CAMK4: variants seen among roughly 807,000 people sequenced by gnomAD.
The protein encoded by CAMK4 is calcium/calmodulin dependent protein kinase IV.
Under a neutral mutation model 44.9 loss-of-function variants are expected in CAMK4, and 22 were observed. The ratio of observed to expected loss-of-function variants is 0.49; its 90% CI spans 0.35 to 0.70. The LOEUF is 0.70. Ranked by LOEUF, CAMK4 falls within the 30% of genes least tolerant of loss-of-function variation. The pLI, the probability that CAMK4 is intolerant of heterozygous loss-of-function variation, is 0.01. For synonymous variants in CAMK4, 218 were observed against 215.4 expected, an observed-to-expected ratio of 1.01 and a Z score of -0.11; for missense variants, 498 against 586.8, an observed-to-expected ratio of 0.85 and a Z score of 1.56.
intron 1 of CAMK4, among the ~76,000 whole-genome samples, chr5:111,315,542 A>G (rs1000560025): frequency 1.3e-5 from 2 of 152,146 alleles, no homozygotes; most frequent in African/African-American, 4.8e-5. Flanking sequence ...CCTTTCACAT[A>G]AAATATCTAA....
intron 8 of CAMK4, among the ~76,000 whole-genome samples, chr5:111,476,332 T>C (rs1414811168): frequency 2.0e-5 from 3 of 151,610 alleles, no homozygotes; most frequent in Non-Finnish European, 2.9e-5. Flanking sequence ...CAGGCTAGAG[T>C]GCAGTGGCGT....
At chr5:111,363,865 A>C in intron 2 of CAMK4, among the ~76,000 whole-genome samples, 1 of 152,124 alleles carries the variant, frequency 6.6e-6, no homozygotes, top group Non-Finnish European at 1.5e-5. Context: ...GACTCCAACA[A>C]AGGCATTTAA....
At chr5:111,305,359 T>C (rs1747885874) in intron 1 of CAMK4, among the ~76,000 whole-genome samples, 1 of 23,636 alleles carries the variant, frequency 4.2e-5, no homozygotes, top group Non-Finnish European at 8.5e-5. Flanking sequence ...GCAAGACTAA[T>C]AAAGAAAAAA....
chr5:111,324,150 T>C (rs1458835963), intron 1 of CAMK4, among the ~76,000 whole-genome samples: 4 of 151,828 alleles, frequency 2.6e-5, no homozygotes, highest in Admixed American at 1.3e-4. Flanking sequence ...ATCCAAATGA[T>C]AGCAGGAAAG....
intron 2 of CAMK4, among the ~76,000 whole-genome samples, chr5:111,353,893 T>C (rs1750217397): frequency 1.3e-5 from 2 of 152,124 alleles, no homozygotes; most frequent in Non-Finnish European, 2.9e-5. Context: ...AAAGAATTAA[T>C]ATTGCCAAAG....
chr5:111,357,421 C>A (rs1018482969), intron 2 of CAMK4, among the ~76,000 whole-genome samples: 15 of 152,214 alleles, frequency 9.9e-5, no homozygotes, highest in Admixed American at 3.9e-4. Flanking sequence ...ACTTAGGATT[C>A]ATACCTTAGT....
At chr5:111,334,999 C>G (rs80280074) in intron 1 of CAMK4, among the ~76,000 whole-genome samples, 5,453 of 151,374 alleles carry the variant, frequency 0.036, 320 homozygotes, top group African/African-American at 0.13. Flanking sequence ...ATAACCTCAG[C>G]AAAGACACTT....
intron 5 of CAMK4, among the ~76,000 whole-genome samples, chr5:111,395,578 GT>G (rs1002714436): frequency 7.9e-5 from 12 of 151,942 alleles, no homozygotes; most frequent in African/African-American, 2.7e-4. Context: ...GAATGTATCA[GT>G]TTTTTTAAGG....
At position 111,409,778 on chromosome 5, in the gene CAMK4, G is replaced by T. The variant is rs372495621; in HGVS notation, c.459+14996G>T. On this transcript the variant is annotated intron_variant, in intron 5 of 10. Transcript: ENST00000282356. ...GTTCAAGGTTCCACATATCTCTAGG[G>T]CAGGGGCAAAATGCTGCCAGTCTCT... 2.6e-5 allele frequency among the ~76,000 whole-genome samples: 4 copies of T among 152,256 alleles called. No individual in the cohort carries two copies. In the South Asian group the frequency reaches 8.3e-4, roughly 32 times the overall value.
At chr5:111,483,177 A>G (rs1308603647) in intron 10 of CAMK4, among the ~76,000 whole-genome samples, 1 of 152,222 alleles carries the variant, frequency 6.6e-6, no homozygotes, top group Non-Finnish European at 1.5e-5. Flanking sequence ...GTTGATATTT[A>G]CATATCAAAT....
intron 2 of CAMK4, among the ~76,000 whole-genome samples, chr5:111,354,580 T>C (rs985900397): frequency 7.4e-5 from 11 of 149,042 alleles, no homozygotes; most frequent in African/African-American, 2.7e-4. Context: ...TTTACCACTA[T>C]AAAGCTGAAA....
intron 1 of CAMK4, among the ~76,000 whole-genome samples, chr5:111,264,201 G>A (rs973734335): frequency 1.3e-5 from 2 of 152,166 alleles, no homozygotes; most frequent in African/African-American, 4.8e-5. Flanking sequence ...CAAGATGGTG[G>A]CAGGTGTTGC....
intron 1 of CAMK4, among the ~76,000 whole-genome samples, chr5:111,329,597 G>A (rs988604735): frequency 6.6e-6 from 1 of 151,502 alleles, no homozygotes; most frequent in Non-Finnish European, 1.5e-5. Context: ...ATAATTATTA[G>A]CAAATAGAAC....
rs147193742 is a variant in CAMK4 at position 111,239,310 on chromosome 5, G to A, written c.161+14666G>A. Among the ~76,000 whole-genome samples the A allele has an allele frequency of 2.1e-3, 317 of 152,134 alleles. 1 individual carries two copies. Among genetic ancestry groups the A allele is most frequent in the African/African-American group, 7.4e-3 (306 of 41,498 alleles). On this transcript the variant is annotated intron_variant, in intron 1 of 10. Transcript: ENST00000282356. ...TACTTGTGTTTTGCTTGGTTTTATTGGATTTTTTTTAACCTTGTCAGTGTT... is the reference window on the plus strand; with the variant it reads ...TACTTGTGTTTTGCTTGGTTTTATTAGATTTTTTTTAACCTTGTCAGTGTT...
chr5:111,436,247 T>C (rs1438230467), intron 5 of CAMK4, among the ~76,000 whole-genome samples: 26 of 152,210 alleles, frequency 1.7e-4, no homozygotes. Context: ...ACGTACTTAA[T>C]ATAGTTCTAT....
At chr5:111,433,296 C>T (rs1753528067) in intron 5 of CAMK4, among the ~76,000 whole-genome samples, 1 of 152,194 alleles carries the variant, frequency 6.6e-6, no homozygotes, top group African/African-American at 2.4e-5. Context: ...TTCATTCACA[C>T]ATCTGGAAGT....
chr5:111,432,765 G>T (rs1753504489), intron 5 of CAMK4, among the ~76,000 whole-genome samples: 1 of 151,286 alleles, frequency 6.6e-6, no homozygotes, highest in African/African-American at 2.4e-5. Context: ...TTGGTATTTT[G>T]TGTCTATTTG....
rs991556942 is a variant in CAMK4 at position 111,267,603 on chromosome 5, C to A, written c.161+42959C>A. On this transcript the variant is annotated intron_variant, in intron 1 of 10. Coordinates refer to ENST00000282356, the MANE Select transcript of CAMK4 (RefSeq NM_001744.6). ...CCTGTAGTCCCAGCTACTCGGGAGG[C>A]TGAGGCAGGAGAATGGCGTGAACCC... Among the ~76,000 whole-genome samples the A allele has an allele frequency of 1.4e-4, 21 of 147,466 alleles. No individual in the cohort carries two copies. The East Asian group carries it at 4.1e-3, about 29-fold the overall frequency.
intron 5 of CAMK4, among the ~76,000 whole-genome samples, chr5:111,439,910 G>T (rs1196887866): frequency 2.6e-5 from 4 of 152,154 alleles, no homozygotes; most frequent in Admixed American, 1.3e-4. Flanking sequence ...ATGTCTTTGG[G>T]TTGAGAAAAA....
Sources: gnomAD v4.1 joint callset for allele counts (sites outside exome capture counted in the v4.1 genomes callset) on GRCh38, gnomAD v4.1.1 for gene constraint, MANE v1.5 for transcripts, NCBI Gene and HGNC (gene_info 2026-07-23, HGNC 2026-07-21) for gene names.